The following TUSC3 variants were observed in gnomAD, a reference collection of about 807,000 sequenced individuals.
The protein encoded by TUSC3 is tumor suppressor candidate 3.
In TUSC3, 45 loss-of-function variants were observed where a neutral mutation model predicts 44.8. The ratio of observed to expected loss-of-function variants is 1.00; its 90% CI spans 0.79 to 1.29. The LOEUF (loss-of-function observed/expected upper bound fraction) is 1.29, where lower values mean the gene tolerates loss of function less well. Ranked by LOEUF, TUSC3 falls within the 50% of genes most tolerant of loss-of-function variation. TUSC3 has a pLI of 0.00. For synonymous variants in TUSC3, 212 were observed against 152.9 expected (o/e 1.39, Z -2.85); for missense variants, 519 against 437.9 (o/e 1.19, Z -1.65).
Position 15,613,081 on chromosome 8 carries a change from CA to C in TUSC3, c.139-9998del, listed in dbSNP as rs948943066. ...ATATATATGATATATATATATATAT[CA>C]TATATATGTATTTTATATGTGTTTG... On this transcript the variant is annotated intron_variant, in intron 1 of 10. Transcript: ENST00000503731. Among the ~76,000 whole-genome samples, 139 of 126,754 alleles carry C rather than the reference CA, an allele frequency of 1.1e-3. 1 individual carries two copies. Among genetic ancestry groups the C allele is most frequent in the African/African-American group, 4.0e-3 (135 of 34,102 alleles). The allele number at this position is 126,754 out of a possible 152,430, so 83.2% of individuals were successfully genotyped here.
At chr8:15,633,823 T>G (rs1186204017) in intron 2 of TUSC3, among the ~76,000 whole-genome samples, 1 of 152,010 alleles carries the variant, frequency 6.6e-6, no homozygotes, top group Non-Finnish European at 1.5e-5. Context: ...AACTATGAGG[T>G]TTTTTTTGTT....
At chr8:15,450,605 G>A (rs998447394) in intron 1 of TUSC3, among the ~76,000 whole-genome samples, 7 of 152,180 alleles carry the variant, frequency 4.6e-5, no homozygotes, top group Non-Finnish European at 7.3e-5. Flanking sequence ...GGGCGGCAGA[G>A]GTTACGGTGA....
At chr8:15,647,707 A>G (rs1266120272) in intron 2 of TUSC3, among the ~76,000 whole-genome samples, 1 of 152,078 alleles carries the variant, frequency 6.6e-6, no homozygotes, top group African/African-American at 2.4e-5. Context: ...TTTTAAGGTA[A>G]TTTTCTGAGA....
At chr8:15,763,444 T>G (rs1317738717) in intron 10 of TUSC3, among the ~76,000 whole-genome samples, 2 of 151,972 alleles carry the variant, frequency 1.3e-5, no homozygotes, top group Admixed American at 6.6e-5. Flanking sequence ...ATTAATTTCA[T>G]TTTTGCTTTT....
chr8:15,490,246 A>C (rs1030996276), intron 2 of TUSC3, among the ~76,000 whole-genome samples: 10 of 152,186 alleles, frequency 6.6e-5, no homozygotes, highest in Non-Finnish European at 2.9e-5. Context: ...AAACAAAGAG[A>C]AGAGACACTG....
intron 2 of TUSC3, among the ~76,000 whole-genome samples, chr8:15,517,522 CAAAAAAAAAAAAA>C (rs71211049): frequency 2.8e-4 from 22 of 77,568 alleles, no homozygotes; most frequent in East Asian, 2.2e-3. Context: ...TAGCGTGAGG[CAAAAAAAAAAAAA>C]AAAAAAAAAA....
At chr8:15,624,587 A>G (rs915393462) in intron 2 of TUSC3, among the ~76,000 whole-genome samples, 1 of 152,168 alleles carries the variant, frequency 6.6e-6, no homozygotes, top group Non-Finnish European at 1.5e-5. Context: ...TCATGTGCTT[A>G]TTCGTCATCT....
the TUSC3 span, among the ~76,000 whole-genome samples, chr8:15,794,536 G>A: frequency 3.3e-5 from 5 of 152,134 alleles, no homozygotes; most frequent in African/African-American, 1.2e-4. Context: ...AGGAAGGTAG[G>A]TAAAAGCCAT....
chr8:15,787,097 C>A, the TUSC3 span, among the ~76,000 whole-genome samples: 4 of 152,066 alleles, frequency 2.6e-5, no homozygotes, highest in Admixed American at 2.6e-4. Flanking sequence ...CACACTGCTT[C>A]TGTGAGTTAA....
chr8:15,659,553 G>A lies in TUSC3; in HGVS notation c.473G>A (p.Gly158Asp). 6.2e-7 allele frequency: 1 copy of A among 1,613,244 alleles called. No individual in the cohort carries two copies. Among genetic ancestry groups the A allele is most frequent in the East Asian group, 2.2e-5 (1 of 44,824 alleles). Residue 158 changes from glycine (G) to aspartate (D), a missense_variant, in exon 4 of 11, where the codon GGC becomes GAC. By Grantham distance (94) the Gly-to-Asp change is moderately conservative. Coordinates refer to ENST00000503731, the MANE Select transcript of TUSC3 (RefSeq NM_006765.4). ...ACATTCATGCATTTTCCTCCAAAAG[G>A]CAGACCTAAGAGAGCTGATACTTTT... ...APTFMHFPPKGRPKRADTFDL... is the reference protein window; with the variant it reads ...APTFMHFPPKDRPKRADTFDL...
At chr8:15,800,529 T>C in the TUSC3 span, among the ~76,000 whole-genome samples, 1 of 151,080 alleles carries the variant, frequency 6.6e-6, no homozygotes, top group East Asian at 1.9e-4. Flanking sequence ...GCTGAGATCA[T>C]GCCACTGCAC....
At chr8:15,517,522 CAA>C (rs71211049) in intron 2 of TUSC3, among the ~76,000 whole-genome samples, 189 of 77,454 alleles carry the variant, frequency 2.4e-3, no homozygotes, top group Middle Eastern at 8.2e-3. Flanking sequence ...TAGCGTGAGG[CAA>C]AAAAAAAAAA....
intron 3 of TUSC3, among the ~76,000 whole-genome samples, chr8:15,658,633 T>TACACACAC (rs551780920): frequency 0.054 from 5,934 of 108,938 alleles, 204 homozygotes; most frequent in East Asian, 0.21. Context: ...TATATACACA[T>TACACACAC]ATATATACAC....
chr8:15,597,173 G>A (rs1277007194), intron 1 of TUSC3, among the ~76,000 whole-genome samples: 1 of 151,408 alleles, frequency 6.6e-6, no homozygotes, highest in African/African-American at 2.5e-5. Flanking sequence ...TAGAAAGAGA[G>A]GCTAACTTGA....
At chr8:15,673,375 A>T (rs1438577846) in intron 5 of TUSC3, among the ~76,000 whole-genome samples, 1 of 152,082 alleles carries the variant, frequency 6.6e-6, no homozygotes, top group Non-Finnish European at 1.5e-5. Flanking sequence ...GATATAGAAG[A>T]TGATTATCAT....
At chr8:15,473,081 G>C (rs1800516627) in intron 1 of TUSC3, among the ~76,000 whole-genome samples, 1 of 152,048 alleles carries the variant, frequency 6.6e-6, no homozygotes, top group African/African-American at 2.4e-5. Flanking sequence ...TCTCAACTTG[G>C]GCCTGTGTTT....
chr8:15,521,426 C>T (rs1410385595), intron 2 of TUSC3, among the ~76,000 whole-genome samples: 1 of 152,088 alleles, frequency 6.6e-6, no homozygotes, highest in African/African-American at 2.4e-5. Context: ...ACATCCTTTA[C>T]AAGGATGTTT....
At chr8:15,581,632 G>A (rs547013435) in intron 1 of TUSC3, among the ~76,000 whole-genome samples, 28 of 149,872 alleles carry the variant, frequency 1.9e-4, no homozygotes, top group South Asian at 8.5e-4. Context: ...GGCTGCTTGG[G>A]GGTCAGGGGT....
intron 6 of TUSC3, among the ~76,000 whole-genome samples, chr8:15,729,009 A>T (rs1038584947): frequency 3.3e-5 from 5 of 152,186 alleles, no homozygotes; most frequent in Admixed American, 2.6e-4. Flanking sequence ...GGGGGAGTCC[A>T]TTGATGACCT....
Sources: allele counts gnomAD v4.1 joint callset (sites outside exome capture counted in the v4.1 genomes callset), GRCh38; gene constraint gnomAD v4.1.1; transcripts MANE v1.5; gene names NCBI Gene and HGNC (gene_info 2026-07-23, HGNC 2026-07-21).